Variants in MTA3 observed in about 807,000 individuals in gnomAD.
The protein encoded by MTA3 is metastasis-associated protein MTA3.
Under a neutral mutation model 83.5 loss-of-function variants are expected in MTA3, and 34 were observed. The ratio of observed to expected loss-of-function variants is 0.41; its 90% CI spans 0.31 to 0.54. MTA3 has a LOEUF of 0.54. Ranked by LOEUF, MTA3 falls within the 20% of genes least tolerant of loss-of-function variation. MTA3 has a pLI of 0.33. For missense variants in MTA3, 761 were observed against 726.4 expected (o/e 1.05, Z -0.55); for synonymous variants, 303 against 252.7 (o/e 1.20, Z -1.89).
intron 4 of MTA3, among the ~76,000 whole-genome samples, chr2:42,638,930 T>C (rs970935401): frequency 4.0e-5 from 6 of 151,436 alleles, no homozygotes; most frequent in Non-Finnish European, 1.5e-5. Flanking sequence ...AGTTGCAAAA[T>C]GTTTAGCAAG....
intron 8 of MTA3, among the ~76,000 whole-genome samples, chr2:42,662,566 T>C (rs1689820565): frequency 6.6e-6 from 1 of 151,896 alleles, no homozygotes; most frequent in Non-Finnish European, 1.5e-5. Context: ...TAGGCCTGTT[T>C]ATAGACTTTT....
chr2:42,714,713 G>A (rs959766026), intron 14 of MTA3, among the ~76,000 whole-genome samples: 8 of 152,308 alleles, frequency 5.3e-5, no homozygotes, highest in Admixed American at 3.3e-4. Context: ...ATTTTTTCAT[G>A]AACTGGGTGG....
intron 16 of MTA3, among the ~76,000 whole-genome samples, chr2:42,748,481 C>G (rs1177795637): frequency 6.6e-6 from 1 of 152,144 alleles, no homozygotes; most frequent in Non-Finnish European, 1.5e-5. Flanking sequence ...AGTATCAAAT[C>G]TACTATTAGT....
chr2:42,639,153 G>C (rs1475896435), intron 4 of MTA3, among the ~76,000 whole-genome samples: 1 of 150,672 alleles, frequency 6.6e-6, no homozygotes, highest in African/African-American at 2.4e-5. Flanking sequence ...CTCTGCCTCT[G>C]GGGTTCAAGC....
chr2:42,673,364 G>A (rs527591083), intron 8 of MTA3, among the ~76,000 whole-genome samples: 1 of 152,180 alleles, frequency 6.6e-6, no homozygotes, highest in Non-Finnish European at 1.5e-5. Flanking sequence ...GACTTAGGAT[G>A]TTCAACTTAA....
intron 6 of MTA3, among the ~76,000 whole-genome samples, chr2:42,645,249 G>A (rs188105273): frequency 4.6e-5 from 7 of 151,880 alleles, no homozygotes; most frequent in East Asian, 1.9e-4. Context: ...AACAGGCTGG[G>A]TGCAGTGGCT....
At chr2:42,567,040 G>GA (rs1429588803), upstream of MTA3, among the ~76,000 whole-genome samples, 2 of 152,182 alleles carry the variant, frequency 1.3e-5, no homozygotes, top group Non-Finnish European at 2.9e-5. Flanking sequence ...GCAATGTGTG[G>GA]AACAGAACAC....
intron 2 of MTA3, among the ~76,000 whole-genome samples, chr2:42,577,461 T>C (rs533093829): frequency 2.6e-5 from 4 of 151,922 alleles, no homozygotes; most frequent in African/African-American, 9.6e-5. Context: ...GAAAAAAATA[T>C]GCCTTGAAAC....
intron 5 of MTA3, among the ~76,000 whole-genome samples, chr2:42,643,151 T>C (rs555011099): frequency 5.3e-5 from 8 of 152,104 alleles, no homozygotes; most frequent in South Asian, 2.1e-4. Flanking sequence ...CTGTTTTTTT[T>C]CCCTTTCCCC....
At chr2:42,561,610 A>T (rs1453660021) in intron 2 of MTA3, among the ~76,000 whole-genome samples, 1 of 152,152 alleles carries the variant, frequency 6.6e-6, no homozygotes, top group Non-Finnish European at 1.5e-5. Context: ...GGCGTGAGCC[A>T]CCGAGCCCGG....
chr2:42,645,595 G>T (rs1027198913), intron 6 of MTA3, among the ~76,000 whole-genome samples: 4 of 152,130 alleles, frequency 2.6e-5, no homozygotes, highest in Non-Finnish European at 2.9e-5. Context: ...ATACCATGGA[G>T]AAAGTCTTAG....
intron 4 of MTA3, among the ~76,000 whole-genome samples, chr2:42,625,916 A>G (rs1406638189): frequency 6.8e-6 from 1 of 146,400 alleles, no homozygotes; most frequent in African/African-American, 2.5e-5. Flanking sequence ...GTTCTCAAGT[A>G]TTAGATGATT....
intron 8 of MTA3, among the ~76,000 whole-genome samples, chr2:42,675,716 C>T (rs1244542397): frequency 1.3e-5 from 2 of 152,140 alleles, no homozygotes; most frequent in African/African-American, 2.4e-5. Context: ...AACCGCAAGT[C>T]GTTGGTCCTG....
chr2:42,569,541 C>T (rs919801557), intron 1 of MTA3: 3 of 152,196 alleles, frequency 2.0e-5, no homozygotes, highest in African/African-American at 7.2e-5. Context: ...GCTCTTCCTT[C>T]TCTGCTCATT....
At chr2:42,563,474 A>G (rs993609560) in intron 2 of MTA3, among the ~76,000 whole-genome samples, 2 of 151,654 alleles carry the variant, frequency 1.3e-5, no homozygotes, top group Non-Finnish European at 2.9e-5. Context: ...ATTTATTTTT[A>G]TTTATTTTTT....
At chr2:42,535,007 C>T (rs1676156554) in intron 2 of MTA3, among the ~76,000 whole-genome samples, 1 of 152,008 alleles carries the variant, frequency 6.6e-6, no homozygotes, top group Non-Finnish European at 1.5e-5. Flanking sequence ...GAATCTAGAT[C>T]CTGGATGACA....
chr2:42,613,737 A>C (rs184222392), intron 4 of MTA3: 2 of 152,202 alleles, frequency 1.3e-5, no homozygotes, highest in East Asian at 3.8e-4. Flanking sequence ...TATAATATTC[A>C]TGAGACGCTT....
intron 15 of MTA3, among the ~76,000 whole-genome samples, chr2:42,719,611 C>T (rs934195158): frequency 8.5e-5 from 13 of 152,156 alleles, no homozygotes; most frequent in Admixed American, 1.3e-4. Flanking sequence ...TGGCCTCAAG[C>T]GATCTTCCTG....
chr2:42,504,971 C>G (rs187014543), intron 2 of MTA3, among the ~76,000 whole-genome samples: 1 of 152,154 alleles, frequency 6.6e-6, no homozygotes, highest in African/African-American at 2.4e-5. Context: ...ACCCTTCTCC[C>G]CATCACCACT....
Sources: allele counts gnomAD v4.1 joint callset (sites outside exome capture counted in the v4.1 genomes callset), GRCh38; gene constraint gnomAD v4.1.1; transcripts MANE v1.5; gene names NCBI Gene and HGNC (gene_info 2026-07-23, HGNC 2026-07-21).